Variants in GAPVD1 observed in about 807,000 individuals in gnomAD.
The protein encoded by GAPVD1 is GTPase activating protein and VPS9 domains 1.
A neutral mutation model predicts 155.5 loss-of-function variants in GAPVD1; 35 were observed. That is an observed-to-expected ratio of 0.23 (90% confidence interval 0.17 to 0.30). The LOEUF is 0.30. GAPVD1 is among the 10% of genes least tolerant of loss of function. The pLI is 1.00. For missense variants in GAPVD1, 1,429 were observed against 1,775.7 expected, an observed-to-expected ratio of 0.80 and a Z score of 3.51; for synonymous variants, 636 against 619.7, an observed-to-expected ratio of 1.03 and a Z score of -0.39.
At chr9:125,357,855 A>G (rs756746613) in intron 25 of GAPVD1, among the ~76,000 whole-genome samples, 2 of 151,722 alleles carry the variant, frequency 1.3e-5, no homozygotes, top group Non-Finnish European at 1.5e-5. Flanking sequence ...CACACCTGTC[A>G]TGCCAGCTAC....
intron 3 of GAPVD1, among the ~76,000 whole-genome samples, chr9:125,297,210 C>T (rs1840028325): frequency 6.6e-6 from 1 of 152,162 alleles, no homozygotes; most frequent in Non-Finnish European, 1.5e-5. Context: ...TTATTCAACT[C>T]CTGCTGTGAA....
At chr9:125,288,855 C>T (rs1406225677) in intron 2 of GAPVD1, among the ~76,000 whole-genome samples, 2 of 152,120 alleles carry the variant, frequency 1.3e-5, no homozygotes, top group East Asian at 3.8e-4. Context: ...ATAGTATGCT[C>T]AGTGCTAAGG....
At chr9:125,336,066 G>A (rs937510870) in intron 15 of GAPVD1, among the ~76,000 whole-genome samples, 2 of 150,162 alleles carry the variant, frequency 1.3e-5, no homozygotes, top group Non-Finnish European at 2.9e-5. Flanking sequence ...GATCACTCGA[G>A]CCCAAGAGAT....
chr9:125,275,806 T>C (rs1835688142), intron 2 of GAPVD1, among the ~76,000 whole-genome samples: 2 of 152,156 alleles, frequency 1.3e-5, no homozygotes, highest in Non-Finnish European at 2.9e-5. Context: ...ATTTCATTAG[T>C]AATGATTTCA....
chr9:125,335,690 T>C (rs940142849), intron 15 of GAPVD1, among the ~76,000 whole-genome samples: 1 of 151,742 alleles, frequency 6.6e-6, no homozygotes, highest in Admixed American at 6.6e-5. Flanking sequence ...AAGCAAAAAA[T>C]GGACAGCCTC....
rs1426814081 is a variant in GAPVD1, at chr9:125,341,161, CCAA to C, written c.2878-14_2878-12del. 3 of 1,387,982 alleles carry C rather than the reference CCAA, an allele frequency of 2.2e-6. No homozygotes were observed. The African/African-American group carries it at 4.2e-5, about 20-fold the overall frequency. The allele number at this position is 1,387,982 out of a possible 1,614,324, so 86.0% of individuals were successfully genotyped here. On this transcript the variant is annotated splice_polypyrimidine_tract_variant and intron_variant, in intron 17 of 27. Transcript: ENST00000297933. The stretch of plus-strand genomic sequence containing the variant: ...TGCTATCCAACTCCAAATAAAGCCT[CCAA>C]CTTTTTCTACAGACTGAAGAACGCA...
intron 12 of GAPVD1, among the ~76,000 whole-genome samples, chr9:125,328,839 C>T (rs923394832): frequency 7.9e-5 from 12 of 151,982 alleles, no homozygotes; most frequent in East Asian, 3.9e-4. Flanking sequence ...GCTGACCCCC[C>T]CCCCACCTCC....
At chr9:125,336,298 A>C (rs1589023808) in intron 15 of GAPVD1, among the ~76,000 whole-genome samples, 1 of 151,298 alleles carries the variant, frequency 6.6e-6, no homozygotes, top group Admixed American at 6.7e-5. Context: ...ACCAAAAAAA[A>C]AAAAAAACAA....
At chr9:125,347,323 C>A (rs933854996) in intron 20 of GAPVD1, among the ~76,000 whole-genome samples, 1 of 152,138 alleles carries the variant, frequency 6.6e-6, no homozygotes, top group Non-Finnish European at 1.5e-5. Context: ...TCCATTGTCA[C>A]CTGGTACTTA....
At chr9:125,283,093 T>C (rs1837061534) in intron 2 of GAPVD1, among the ~76,000 whole-genome samples, 1 of 151,622 alleles carries the variant, frequency 6.6e-6, no homozygotes, top group Non-Finnish European at 1.5e-5. Context: ...GGAGTTTTGC[T>C]CTGTCGCCCA....
intron 5 of GAPVD1, chr9:125,304,093 T>A (rs538279495): frequency 6.6e-6 from 1 of 152,304 alleles, no homozygotes; most frequent in South Asian, 2.1e-4. Flanking sequence ...AGTCTCACTC[T>A]GTCACCCAGG....
intron 2 of GAPVD1, among the ~76,000 whole-genome samples, chr9:125,288,112 A>AT (rs368994271): frequency 0.011 from 1,213 of 115,308 alleles, 8 homozygotes; most frequent in East Asian, 0.023. Context: ...ATTTTAGTTA[A>AT]TTTTTTTTTT....
chr9:125,355,197 A>G lies in GAPVD1; in HGVS notation c.3757+356A>G, dbSNP rs1285285864. ...AGTGGCGTGATCTCGGCTCACTGCAACCTCTGTCTCCCTGGTAGCTGCCTC... is the reference window on the plus strand; with the variant it reads ...AGTGGCGTGATCTCGGCTCACTGCAGCCTCTGTCTCCCTGGTAGCTGCCTC... On this transcript the variant is annotated intron_variant, in intron 24 of 27. Transcript: ENST00000297933. Among the ~76,000 whole-genome samples, 5 of 103,796 alleles carry G rather than the reference A, an allele frequency of 4.8e-5. No homozygotes were observed. In the South Asian group the frequency reaches 1.2e-3, roughly 25 times the overall value. 68.1% of individuals were successfully genotyped at this position (103,796 alleles called of 152,430 possible). A position where few individuals can be genotyped will look rare whatever the true frequency, so the allele number is the denominator to read the frequency against.
intron 5 of GAPVD1, among the ~76,000 whole-genome samples, chr9:125,303,514 C>T (rs1200078016): frequency 6.6e-6 from 1 of 151,534 alleles, no homozygotes; most frequent in Non-Finnish European, 1.5e-5. Context: ...CGGTGGCTTA[C>T]GCCTGTAATC....
chr9:125,328,643 CCCCACCTTT>C (rs1845570760), intron 12 of GAPVD1, among the ~76,000 whole-genome samples: 1 of 150,624 alleles, frequency 6.6e-6, no homozygotes, highest in African/African-American at 2.5e-5. Context: ...TCAATCTTTT[CCCCACCTTT>C]CCCGCCTTTC....
intron 24 of GAPVD1, among the ~76,000 whole-genome samples, chr9:125,355,339 C>G (rs1427803864): frequency 6.6e-6 from 1 of 152,178 alleles, no homozygotes; most frequent in South Asian, 2.1e-4. Context: ...CTCCTGACCT[C>G]GTGATCCGCC....
intron 10 of GAPVD1, among the ~76,000 whole-genome samples, chr9:125,322,171 T>C (rs1264312057): frequency 6.6e-6 from 1 of 152,046 alleles, no homozygotes; most frequent in Non-Finnish European, 1.5e-5. Flanking sequence ...TTCACGCCAT[T>C]CTCCTGCCTC....
chr9:125,264,026 ACAT>A, intron 1 of GAPVD1: 1 of 1,251,200 alleles, frequency 8.0e-7, no homozygotes, highest in Admixed American at 1.7e-5. Context: ...AGGCATGTGG[ACAT>A]CCTTCTTGGC....
At chr9:125,349,310 A>G in intron 20 of GAPVD1, 80 bp from the exon 21 acceptor site, 3 of 1,158,706 alleles carry the variant, frequency 2.6e-6, no homozygotes. Flanking sequence ...TTTATTCTTG[A>G]GTTGCTCTGA....
Sources: allele counts gnomAD v4.1 joint callset (sites outside exome capture counted in the v4.1 genomes callset), GRCh38; gene constraint gnomAD v4.1.1; transcripts MANE v1.5; gene names NCBI Gene and HGNC (gene_info 2026-07-23, HGNC 2026-07-21).